Variants in NELL1 observed in about 807,000 individuals in gnomAD.
NELL1 encodes neural EGFL like 1.
A neutral mutation model predicts 107.4 loss-of-function variants in NELL1; 76 were observed. That is an observed-to-expected ratio of 0.71 (90% CI 0.59 to 0.86). The LOEUF (loss-of-function observed/expected upper bound fraction) is 0.86. Among genes scored for constraint, NELL1 ranks in the 40% least tolerant of loss-of-function variants. NELL1 has a pLI of 0.00. For synonymous variants in NELL1, 353 were observed against 341.2 expected (o/e 1.03, Z -0.38); for missense variants, 1,024 against 1,005.5 (o/e 1.02, Z -0.25).
chr11:21,330,555 T>G (rs1323002585), intron 14 of NELL1, among the ~76,000 whole-genome samples: 1 of 152,154 alleles, frequency 6.6e-6, no homozygotes, highest in Non-Finnish European at 1.5e-5. Context: ...TCTCACTATA[T>G]TCTGGCCTCC....
At chr11:20,998,545 A>G (rs1416627838) in intron 12 of NELL1, among the ~76,000 whole-genome samples, 4 of 152,160 alleles carry the variant, frequency 2.6e-5, no homozygotes, top group Non-Finnish European at 5.9e-5. Context: ...ATATACCTCC[A>G]GTTCTGTTAT....
chr11:21,106,812 G>T (rs933730104), intron 12 of NELL1, among the ~76,000 whole-genome samples: 1 of 152,026 alleles, frequency 6.6e-6, no homozygotes, highest in African/African-American at 2.4e-5. Flanking sequence ...TATAATTATA[G>T]AAAAACATGG....
At chr11:21,419,587 C>T (rs1017883093) in intron 15 of NELL1, among the ~76,000 whole-genome samples, 1 of 152,122 alleles carries the variant, frequency 6.6e-6, no homozygotes, top group African/African-American at 2.4e-5. Context: ...TTGAATATTT[C>T]TTATTACTGG....
intron 14 of NELL1, among the ~76,000 whole-genome samples, chr11:21,245,193 T>C (rs1261828498): frequency 6.6e-6 from 1 of 152,150 alleles, no homozygotes; most frequent in Non-Finnish European, 1.5e-5. Context: ...TTAGTCAAAC[T>C]AAAACTACTC....
intron 13 of NELL1, among the ~76,000 whole-genome samples, chr11:21,164,734 C>G (rs75468394): frequency 1.9e-3 from 284 of 152,228 alleles, no homozygotes; most frequent in African/African-American, 6.6e-3. Context: ...ACATTCTTGT[C>G]AAGAAGATTG....
intron 13 of NELL1, among the ~76,000 whole-genome samples, chr11:21,208,702 G>C (rs1268792617): frequency 6.6e-6 from 1 of 152,048 alleles, no homozygotes; most frequent in Admixed American, 6.6e-5. Flanking sequence ...CTTTCCAAGA[G>C]ACTGAATCAT....
In NELL1 at chr11:20,960,428, C is replaced by G; in HGVS notation, c.1172-4C>G. On this transcript the variant is annotated splice_polypyrimidine_tract_variant and splice_region_variant and intron_variant, in intron 11 of 19. Transcript: ENST00000357134. ...TGATGTACGTTTTTATTTGTTTTTT[C>G]TAGGTCATAACTTTTGTGCAGAAGG... 6.2e-7 allele frequency: 1 copy of G among 1,610,802 alleles called. No individual in the cohort carries two copies. The highest frequency in any genetic ancestry group is 8.5e-7 in the Non-Finnish European group (1 of 1,178,808).
chr11:20,711,431 A>C (rs1202604422), intron 2 of NELL1, among the ~76,000 whole-genome samples: 1 of 152,030 alleles, frequency 6.6e-6, no homozygotes, highest in Non-Finnish European at 1.5e-5. Flanking sequence ...TTGTTGCCTA[A>C]GTACCTTGTA....
chr11:21,292,384 C>T (rs1849288991), intron 14 of NELL1, among the ~76,000 whole-genome samples: 1 of 152,064 alleles, frequency 6.6e-6, no homozygotes, highest in Admixed American at 6.5e-5. Flanking sequence ...ATGTGAAGGA[C>T]CTCTTCCAGG....
At chr11:20,767,478 G>A (rs1204176315) in intron 2 of NELL1, among the ~76,000 whole-genome samples, 1 of 152,144 alleles carries the variant, frequency 6.6e-6, no homozygotes, top group Non-Finnish European at 1.5e-5. Flanking sequence ...GTGCTGATTG[G>A]TGCATTTACA....
intron 5 of NELL1, among the ~76,000 whole-genome samples, chr11:20,902,551 A>T (rs1369989938): frequency 6.6e-6 from 1 of 152,118 alleles, no homozygotes; most frequent in East Asian, 1.9e-4. Flanking sequence ...ACCAATAGAG[A>T]GGGAAATTTG....
chr11:21,329,099 A>G (rs1850213722), intron 14 of NELL1, among the ~76,000 whole-genome samples: 1 of 152,112 alleles, frequency 6.6e-6, no homozygotes, highest in Admixed American at 6.5e-5. Context: ...GAGATTTGGG[A>G]GGGTCCAGAA....
intron 15 of NELL1, among the ~76,000 whole-genome samples, chr11:21,492,908 A>G (rs1485336465): frequency 6.6e-5 from 10 of 152,084 alleles, no homozygotes; most frequent in Admixed American, 6.6e-4. Context: ...TAATAATAAT[A>G]AAAGAAGTTG....
chr11:20,766,999 C>T (rs1240527116), intron 2 of NELL1, among the ~76,000 whole-genome samples: 1 of 152,190 alleles, frequency 6.6e-6, no homozygotes, highest in Admixed American at 6.5e-5. Context: ...CTGCCTTGGC[C>T]TCCCAGACTG....
At chr11:21,007,818 T>A (rs2134282454) in intron 12 of NELL1, among the ~76,000 whole-genome samples, 1 of 152,144 alleles carries the variant, frequency 6.6e-6, no homozygotes, top group East Asian at 1.9e-4. Flanking sequence ...GAAGTTAAGG[T>A]ATGGCCCACT....
chr11:21,538,133 T>C (rs1032464662), intron 16 of NELL1, among the ~76,000 whole-genome samples: 2 of 152,070 alleles, frequency 1.3e-5, no homozygotes, highest in African/African-American at 4.8e-5. Context: ...TTTTTAAAAG[T>C]GGTTTGTAGC....
intron 12 of NELL1, among the ~76,000 whole-genome samples, chr11:20,974,290 C>T (rs1323936668): frequency 6.6e-6 from 1 of 152,164 alleles, no homozygotes; most frequent in Non-Finnish European, 1.5e-5. Context: ...AGGCATTGTG[C>T]TAATCAGGTC....
At chr11:21,389,669 T>C (rs1478084739) in intron 15 of NELL1, among the ~76,000 whole-genome samples, 1 of 151,874 alleles carries the variant, frequency 6.6e-6, no homozygotes, top group Non-Finnish European at 1.5e-5. Context: ...ACAAATCGAA[T>C]CAGACTATAA....
chr11:20,994,950 A>G (rs1309632935), intron 12 of NELL1, among the ~76,000 whole-genome samples: 3 of 152,148 alleles, frequency 2.0e-5, no homozygotes, highest in African/African-American at 7.2e-5. Flanking sequence ...TTAGACATGG[A>G]TTTTAGCCAT....
Sources: gnomAD v4.1 joint callset for allele counts (sites outside exome capture counted in the v4.1 genomes callset) on GRCh38, gnomAD v4.1.1 for gene constraint, MANE v1.5 for transcripts, NCBI Gene and HGNC (gene_info 2026-07-23, HGNC 2026-07-21) for gene names.